Variants in ENTHD1 observed in about 807,000 individuals in gnomAD.
The protein encoded by ENTHD1 is ENTH domain-containing protein 1.
In ENTHD1, 23 loss-of-function variants were observed where a neutral mutation model predicts 39.1. The ratio of observed to expected loss-of-function variants is 0.59; its 90% CI spans 0.42 to 0.83. ENTHD1 has a LOEUF of 0.83. ENTHD1 is among the 40% of genes least tolerant of loss of function. The probability of loss-of-function intolerance (pLI) is 0.00; values close to 1 mark genes in which losing one functional copy is unlikely to be tolerated. For missense variants in ENTHD1, 624 were observed against 705.4 expected, an observed-to-expected ratio of 0.88 and a Z score of 1.31; for synonymous variants, 230 against 258.2, an observed-to-expected ratio of 0.89 and a Z score of 1.05.
At chr22:39,795,752 T>C (rs1444534473) in intron 5 of ENTHD1, among the ~76,000 whole-genome samples, 2 of 152,102 alleles carry the variant, frequency 1.3e-5, no homozygotes, top group Non-Finnish European at 2.9e-5. Context: ...ACTGATTCAA[T>C]ATTGTTACTC....
chr22:39,865,676 T>C (rs1052562965), intron 2 of ENTHD1, among the ~76,000 whole-genome samples: 2 of 152,196 alleles, frequency 1.3e-5, no homozygotes, highest in Non-Finnish European at 2.9e-5. Context: ...TACCCAAGGA[T>C]ATTACATAAA....
At chr22:39,822,589 A>G (rs1217012795) in intron 4 of ENTHD1, among the ~76,000 whole-genome samples, 1 of 152,222 alleles carries the variant, frequency 6.6e-6, no homozygotes, top group African/African-American at 2.4e-5. Context: ...CACAAAAAAC[A>G]GATGTGAATG....
chr22:39,748,586 A>AT lies in ENTHD1; in HGVS notation c.1220-4304dup, dbSNP rs11327010. 6.9e-4 allele frequency among the ~76,000 whole-genome samples: 102 copies of AT among 147,376 alleles called. 1 individual carries two copies. Among genetic ancestry groups the AT allele is most frequent in the South Asian group, 2.4e-3 (11 of 4,614 alleles). On this transcript the variant is annotated intron_variant, in intron 6 of 6. Coordinates refer to ENST00000325157, the MANE Select transcript of ENTHD1 (RefSeq NM_152512.4). ...CAGGTGCCCGTCACCACGCCCGGCTATTTTTTTTTTGTGTTTTTAGTAGAG... is the reference window on the plus strand; with the variant it reads ...CAGGTGCCCGTCACCACGCCCGGCTATTTTTTTTTTTGTGTTTTTAGTAGAG...
At chr22:39,875,855 G>A in intron 2 of ENTHD1, 8 of 1,613,964 alleles carry the variant, frequency 5.0e-6, no homozygotes, top group Non-Finnish European at 6.8e-6. Flanking sequence ...GCAGGAAGCT[G>A]CAGTTGAATT....
At chr22:39,838,307 T>TA (rs2065920760) in intron 3 of ENTHD1, among the ~76,000 whole-genome samples, 1 of 152,148 alleles carries the variant, frequency 6.6e-6, no homozygotes, top group African/African-American at 2.4e-5. Context: ...AAGTAGGGTG[T>TA]TTCTAATTCT....
At chr22:39,869,983 C>CTTCA (rs141244370) in intron 2 of ENTHD1, among the ~76,000 whole-genome samples, 5 of 140,630 alleles carry the variant, frequency 3.6e-5, no homozygotes, top group Non-Finnish European at 6.2e-5. Flanking sequence ...GAGAACAGTA[C>CTTCA]TTTATTTATT....
intron 1 of ENTHD1, chr22:39,893,375 C>T (rs2066444202): frequency 6.6e-6 from 1 of 152,116 alleles, no homozygotes; most frequent in Non-Finnish European, 1.5e-5. Flanking sequence ...ACAACCCCCA[C>T]TTCAGATGAC....
At chr22:39,823,345 C>T (rs1392440169) in intron 4 of ENTHD1, among the ~76,000 whole-genome samples, 1 of 151,666 alleles carries the variant, frequency 6.6e-6, no homozygotes, top group Non-Finnish European at 1.5e-5. Context: ...GTATGATATA[C>T]ATTTTCTTTT....
chr22:39,886,542 G>A (rs1422661610), intron 2 of ENTHD1, among the ~76,000 whole-genome samples: 1 of 152,088 alleles, frequency 6.6e-6, no homozygotes, highest in East Asian at 1.9e-4. Flanking sequence ...TAATTTTCCT[G>A]TAAACCTAAA....
chr22:39,752,156 T>G (rs959017506), intron 6 of ENTHD1, among the ~76,000 whole-genome samples: 1 of 152,134 alleles, frequency 6.6e-6, no homozygotes, highest in African/African-American at 2.4e-5. Context: ...CTTTTTGGTA[T>G]ACTATATACT....
chr22:39,791,552 G>A (rs1388858347), intron 5 of ENTHD1, among the ~76,000 whole-genome samples: 1 of 151,444 alleles, frequency 6.6e-6, no homozygotes, highest in Non-Finnish European at 1.5e-5. Flanking sequence ...GTGCCACCAG[G>A]CCTGGCTGAT....
At chr22:39,846,926 A>G (rs1467847284) in intron 3 of ENTHD1, among the ~76,000 whole-genome samples, 1 of 152,240 alleles carries the variant, frequency 6.6e-6, no homozygotes, top group East Asian at 1.9e-4. Context: ...AGAAATAGGA[A>G]CACTTTTACA....
intron 4 of ENTHD1, among the ~76,000 whole-genome samples, chr22:39,832,270 C>T (rs1287211438): frequency 6.6e-6 from 1 of 152,120 alleles, no homozygotes; most frequent in Non-Finnish European, 1.5e-5. Flanking sequence ...ATGATCATTC[C>T]ACTGCATTCC....
At chr22:39,813,078 C>T (rs1483489633) in intron 5 of ENTHD1, among the ~76,000 whole-genome samples, 1 of 152,306 alleles carries the variant, frequency 6.6e-6, no homozygotes, top group Non-Finnish European at 1.5e-5. Context: ...ACACTGTGCC[C>T]GGCCCAGTGC....
intron 6 of ENTHD1, among the ~76,000 whole-genome samples, chr22:39,746,946 A>G (rs1420227029): frequency 6.6e-6 from 1 of 151,866 alleles, no homozygotes; most frequent in Non-Finnish European, 1.5e-5. Flanking sequence ...TTAATTGTTC[A>G]CCTGTCTAAG....
chr22:39,787,564 C>G (rs1319773893), intron 5 of ENTHD1, among the ~76,000 whole-genome samples: 1 of 152,070 alleles, frequency 6.6e-6, no homozygotes, highest in Non-Finnish European at 1.5e-5. Context: ...AGTGAAACAG[C>G]CTTATTGTTG....
chr22:39,797,398 TTTG>T (rs1279561367), intron 5 of ENTHD1, among the ~76,000 whole-genome samples: 1 of 152,204 alleles, frequency 6.6e-6, no homozygotes, highest in East Asian at 1.9e-4. Context: ...TATTTGTCTT[TTTG>T]TTAATTGTTT....
At chr22:39,767,873 A>G (rs1033231569) in intron 5 of ENTHD1, among the ~76,000 whole-genome samples, 2 of 152,234 alleles carry the variant, frequency 1.3e-5, no homozygotes, top group Non-Finnish European at 2.9e-5. Context: ...TCAATGAAGC[A>G]AACCAGACAG....
At chr22:39,852,181 A>C (rs909535718) in intron 3 of ENTHD1, among the ~76,000 whole-genome samples, 6 of 151,792 alleles carry the variant, frequency 4.0e-5, no homozygotes, top group African/African-American at 9.7e-5. Flanking sequence ...AAAAAAAAAA[A>C]ACCCAAAAAC....
Sources: allele counts gnomAD v4.1 joint callset (sites outside exome capture counted in the v4.1 genomes callset), GRCh38; gene constraint gnomAD v4.1.1; transcripts MANE v1.5; gene names NCBI Gene and HGNC (gene_info 2026-07-23, HGNC 2026-07-21).